The following IMMP2L variants were observed in gnomAD, a reference collection of about 807,000 sequenced individuals.
IMMP2L encodes the protein inner mitochondrial membrane peptidase subunit 2, also known as mitochondrial inner membrane protease subunit 2.
A neutral mutation model predicts 19.3 loss-of-function variants in IMMP2L; 18 were observed. The ratio of observed to expected loss-of-function variants is 0.93; its 90% CI spans 0.64 to 1.38. The LOEUF is 1.38. Ranked by LOEUF, IMMP2L falls within the 40% of genes most tolerant of loss-of-function variation. IMMP2L has a pLI of 0.00. For synonymous variants in IMMP2L, 76 were observed against 73.0 expected, an observed-to-expected ratio of 1.04 and a Z score of -0.21; for missense variants, 233 against 218.2, an observed-to-expected ratio of 1.07 and a Z score of -0.43.
In IMMP2L at chr7:110,877,382, G is replaced by T. The variant is rs1457287702; in HGVS notation, c.408+9211C>A. Among the ~76,000 whole-genome samples, 1 of 152,162 alleles carries T rather than the reference G, an allele frequency of 6.6e-6. No individual in the cohort carries two copies. Among genetic ancestry groups the T allele is most frequent in the East Asian group, 1.9e-4 (1 of 5,188 alleles). ...TGTGCAATTATACTGCAAATGCTGT[G>T]TGGGGTAACTGGCTTAGTCAGAAGC... On this transcript the variant is annotated intron_variant, in intron 5 of 5. Transcript: ENST00000405709. The surrounding 1 kb of genome is among the most constrained non-coding windows in gnomAD (Gnocchi z 4.0).
intron 3 of IMMP2L, among the ~76,000 whole-genome samples, chr7:111,116,879 G>A (rs926714157): frequency 6.6e-6 from 1 of 152,116 alleles, no homozygotes; most frequent in Non-Finnish European, 1.5e-5. Flanking sequence ...AAACATTTGA[G>A]AGAAAGTAGA....
At chr7:110,742,943 T>A (rs573791768) in intron 5 of IMMP2L, among the ~76,000 whole-genome samples, 1 of 152,272 alleles carries the variant, frequency 6.6e-6, no homozygotes, top group Non-Finnish European at 1.5e-5. Context: ...CGCTGATAAA[T>A]TCCTAAAAGG....
At chr7:111,521,291 A>T in intron 2 of IMMP2L, 22 bp downstream of exon 2, 1 of 1,604,956 alleles carries the variant, frequency 6.2e-7, no homozygotes. Context: ...TGCTTTAAAG[A>T]ACGAAGTTAT....
chr7:111,123,605 G>A lies in IMMP2L; in HGVS notation c.240-160040C>T. ...AATCCTATTAATAGAATACGAAGGG[G>A]TGATTTTAGCAATATGCTACACTTA... On this transcript the variant is annotated intron_variant, in intron 3 of 5. Transcript: ENST00000405709. The surrounding 1 kb of genome is among the most constrained non-coding windows in gnomAD (Gnocchi z 6.4). The A allele has an allele frequency of 6.2e-7, 1 of 1,613,296 alleles. No individual in the cohort carries two copies. Among genetic ancestry groups the A allele is most frequent in the Non-Finnish European group, 8.5e-7 (1 of 1,179,508 alleles).
At chr7:111,275,277 T>C (rs1278498410) in intron 3 of IMMP2L, among the ~76,000 whole-genome samples, 1 of 152,126 alleles carries the variant, frequency 6.6e-6, no homozygotes, top group Non-Finnish European at 1.5e-5. Context: ...TCTCTACAAA[T>C]AACAGCAAAG....
rs1809188264 is a variant in IMMP2L at position 110,877,416 on chromosome 7, A to G, written c.408+9177T>C. ...CTGGCTTAGTCAGAAGCAAAACTTC[A>G]TGTTAGAGTAGGTCTGGGAGTAGTC... On this transcript the variant is annotated intron_variant, in intron 5 of 5. Coordinates refer to ENST00000405709, the MANE Select transcript of IMMP2L (RefSeq NM_032549.4). This position sits in a 1 kb window ranked among gnomAD's most constrained non-coding sequence, Gnocchi z 4.0. 1.3e-5 allele frequency among the ~76,000 whole-genome samples: 2 copies of G among 152,152 alleles called. No individual in the cohort carries two copies. The highest frequency in any genetic ancestry group is 4.8e-5 in the African/African-American group (2 of 41,456).
chr7:111,053,652 CT>C (rs1220202825), intron 3 of IMMP2L, among the ~76,000 whole-genome samples: 3 of 152,144 alleles, frequency 2.0e-5, no homozygotes, highest in Admixed American at 6.5e-5. Flanking sequence ...GGGAAGAGTC[CT>C]CTCCTGCTTT....
chr7:111,091,384 C>A (rs1241799977), intron 3 of IMMP2L: 1 of 152,150 alleles, frequency 6.6e-6, no homozygotes, highest in Admixed American at 6.6e-5. Context: ...TACACAGACA[C>A]ACAAATGCAC....
At chr7:110,840,178 C>T (rs984717245) in intron 5 of IMMP2L, among the ~76,000 whole-genome samples, 5 of 152,124 alleles carry the variant, frequency 3.3e-5, no homozygotes, top group African/African-American at 9.7e-5. Context: ...CTTTGTAGGT[C>T]CTGGTAGTAT....
intron 5 of IMMP2L, among the ~76,000 whole-genome samples, chr7:110,815,201 T>C (rs1291315609): frequency 6.6e-6 from 1 of 152,142 alleles, no homozygotes; most frequent in Non-Finnish European, 1.5e-5. Flanking sequence ...GTCAAAGGCC[T>C]TTTCTGCATC....
chr7:111,289,121 A>C (rs187402049), intron 3 of IMMP2L, among the ~76,000 whole-genome samples: 90 of 152,208 alleles, frequency 5.9e-4, no homozygotes, highest in African/African-American at 2.1e-3. Flanking sequence ...CTTTGCAAGG[A>C]CATGGATGAC....
chr7:111,410,682 TA>T (rs1219549587), intron 3 of IMMP2L, among the ~76,000 whole-genome samples: 1 of 151,528 alleles, frequency 6.6e-6, no homozygotes, highest in Non-Finnish European at 1.5e-5. Flanking sequence ...ATTAAAGACT[TA>T]AAGGAAATAT....
chr7:111,496,491 T>A (rs540235624), intron 2 of IMMP2L, among the ~76,000 whole-genome samples: 2 of 152,028 alleles, frequency 1.3e-5, no homozygotes, highest in African/African-American at 4.8e-5. Context: ...AAGCACTGGA[T>A]TGAGTAAGAA....
intron 5 of IMMP2L, among the ~76,000 whole-genome samples, chr7:110,713,148 C>G (rs960839730): frequency 2.0e-5 from 3 of 152,176 alleles, no homozygotes; most frequent in Non-Finnish European, 2.9e-5. Flanking sequence ...TACCCCAGCA[C>G]CATTTATTTA....
chr7:110,884,137 A>C (rs1809975075), intron 5 of IMMP2L, among the ~76,000 whole-genome samples: 1 of 152,054 alleles, frequency 6.6e-6, no homozygotes, highest in African/African-American at 2.4e-5. Context: ...TTTACTTTTT[A>C]TGTGCTTCCA....
intron 5 of IMMP2L, among the ~76,000 whole-genome samples, chr7:110,793,036 T>A (rs1168085382): frequency 1.3e-5 from 2 of 151,952 alleles, no homozygotes; most frequent in Non-Finnish European, 2.9e-5. Context: ...GTTGAATACA[T>A]AGAAACAGAG....
intron 3 of IMMP2L, among the ~76,000 whole-genome samples, chr7:111,222,295 C>G (rs566779612): frequency 3.6e-4 from 54 of 151,458 alleles, no homozygotes; most frequent in South Asian, 2.1e-4. Flanking sequence ...AATTCCTAAA[C>G]AAGAAAAATA....
intron 4 of IMMP2L, among the ~76,000 whole-genome samples, chr7:110,895,274 C>CCATG (rs1362563735): frequency 9.9e-5 from 15 of 152,230 alleles, no homozygotes; most frequent in African/African-American, 3.6e-4. Context: ...TGGGTTCCTC[C>CCATG]CATGACATGT....
chr7:110,854,454 A>C (rs1806545051), intron 5 of IMMP2L, among the ~76,000 whole-genome samples: 1 of 151,914 alleles, frequency 6.6e-6, no homozygotes, highest in Non-Finnish European at 1.5e-5. Context: ...GTTCCACATT[A>C]AGTAAGTTTC....
Sources: gnomAD v4.1 joint callset for allele counts (sites outside exome capture counted in the v4.1 genomes callset) on GRCh38, gnomAD v4.1.1 for gene constraint, Gnocchi (gnomAD v3.1) non-coding constraint, MANE v1.5 for transcripts, NCBI Gene and HGNC (gene_info 2026-07-23, HGNC 2026-07-21) for gene names.